The following CTSB variants were observed in gnomAD, a reference collection of about 807,000 sequenced individuals.
The protein encoded by CTSB is APP secretase.
In CTSB, 57 loss-of-function variants were observed where a neutral mutation model predicts 44.3. The observed-to-expected ratio is 1.29, with a 90% CI of 1.04 to 1.60. CTSB has a LOEUF of 1.60. Among genes scored for constraint, CTSB ranks in the 40% most tolerant of loss-of-function variants. The probability of loss-of-function intolerance (pLI) is 0.00; values close to 1 mark genes in which losing one functional copy is unlikely to be tolerated. For synonymous variants in CTSB, 320 were observed against 168.0 expected, an observed-to-expected ratio of 1.91 and a Z score of -7.00; for missense variants, 768 against 443.0, an observed-to-expected ratio of 1.73 and a Z score of -6.59.
chr8:11,865,149 G>A (rs537001095), intron 1 of CTSB, among the ~76,000 whole-genome samples: 35 of 152,234 alleles, frequency 2.3e-4, no homozygotes, highest in African/African-American at 8.4e-4. Context: ...TCAACTGCCT[G>A]TCACCCCAAC....
rs1457428658 is a variant in CTSB at position 11,850,884 on chromosome 8, G to T, written c.309C>A (p.Gly103=). The change falls in exon 4 of 10, where the codon GGC becomes GGA. Residue 103 remains glycine, a synonymous_variant. Transcript: ENST00000353047. ...GCCTTACCCAGCAGGAGCCACAGGA[G>T]CCCTGGTCTCTGATCTCTTTGATGG... ...CPTIKEIRDQ[G]SCGSCWAFGA... 6.2e-7 allele frequency: 1 copy of T among 1,613,030 alleles called. No individual in the cohort carries two copies. Among genetic ancestry groups the T allele is most frequent in the South Asian group, 1.1e-5 (1 of 90,898 alleles).
Position 11,845,011 on chromosome 8 carries a change from C to T in CTSB, c.*114G>A. ...TTGGAAGACAGGTCTGATGTTTGGC[C>T]AATCCAGTCCTTCAGACCCTGTCTG... On this transcript the variant is annotated 3_prime_UTR_variant, in exon 10 of 10. Coordinates refer to ENST00000353047, the MANE Select transcript of CTSB (RefSeq NM_001908.5). 1 of 721,422 alleles carries T rather than the reference C, an allele frequency of 1.4e-6. No homozygotes were observed. The highest frequency in any genetic ancestry group is 2.2e-5 in the Admixed American group (1 of 45,160). 44.7% of individuals were successfully genotyped at this position (721,422 alleles called of 1,614,324 possible).
chr8:11,862,678 C>G (rs746457296), intron 1 of CTSB, among the ~76,000 whole-genome samples: 3 of 152,232 alleles, frequency 2.0e-5, no homozygotes, highest in Non-Finnish European at 4.4e-5. Flanking sequence ...ATGGGAAAAG[C>G]CTGTGGCTGG....
chr8:11,845,348 C>G (rs1352382164), intron 9 of CTSB, 126 bp from the exon 10 acceptor site: 3 of 731,832 alleles, frequency 4.1e-6, no homozygotes, highest in Middle Eastern at 2.4e-4. Context: ...CTAGCACAGT[C>G]CTCAACACCA....
intron 8 of CTSB, chr8:11,846,184 G>C (rs999171322): frequency 1.2e-4 from 18 of 154,388 alleles, no homozygotes; most frequent in African/African-American, 4.3e-4. Context: ...AGCTGCTCCA[G>C]GTACACCCTG....
At chr8:11,848,899 G>A (rs890410767) in intron 5 of CTSB, 147 bp downstream of exon 5, 5 of 592,246 alleles carry the variant, frequency 8.4e-6, no homozygotes, top group Non-Finnish European at 1.2e-5. Context: ...AGCCTTGCCA[G>A]GCCCTGCCTG....
In CTSB at chr8:11,853,316, C is replaced by G. The variant is rs763401283; in HGVS notation, c.126+13G>C. ...GGGAGGGGACATACATAGGACGCAG[C>G]CCCACAGCCTACCTGCCACGTGGTA... On this transcript the variant is annotated intron_variant, in intron 2 of 9. Coordinates refer to ENST00000353047, the MANE Select transcript of CTSB (RefSeq NM_001908.5). 1.9e-6 allele frequency: 3 copies of G among 1,612,714 alleles called. No individual in the cohort carries two copies. Among genetic ancestry groups the G allele is most frequent in the Non-Finnish European group, 1.7e-6 (2 of 1,179,560 alleles).
chr8:11,849,593 T>TTC (rs1814169710), intron 4 of CTSB: 1 of 153,602 alleles, frequency 6.5e-6, no homozygotes, highest in Non-Finnish European at 1.4e-5. Flanking sequence ...TTTTTTTTTT[T>TTC]CCTGGAGGCG....
At chr8:11,865,104 G>A (rs1025855543) in intron 1 of CTSB, among the ~76,000 whole-genome samples, 1 of 152,100 alleles carries the variant, frequency 6.6e-6, no homozygotes, top group Middle Eastern at 3.2e-3. Flanking sequence ...TGATATCCCA[G>A]AGGCACAGCA....
At chr8:11,852,568 C>T (rs1424210654) in intron 3 of CTSB, 42 bp downstream of exon 3, 1 of 1,545,798 alleles carries the variant, frequency 6.5e-7, no homozygotes, top group Non-Finnish European at 8.9e-7. Context: ...AAACCAACGC[C>T]TGCCACTCAC....
chr8:11,855,967 G>A (rs1160446386), intron 1 of CTSB, among the ~76,000 whole-genome samples: 6 of 152,130 alleles, frequency 3.9e-5, no homozygotes, highest in African/African-American at 9.7e-5. Flanking sequence ...GGTGGAGATT[G>A]CAGTGAGCCA....
chr8:11,862,665 C>T (rs771329609), intron 1 of CTSB, among the ~76,000 whole-genome samples: 4 of 152,338 alleles, frequency 2.6e-5, no homozygotes, highest in African/African-American at 7.2e-5. Context: ...TTCCAACCCT[C>T]GAATGGGAAA....
At chr8:11,866,627 A>G (rs776270677) in intron 1 of CTSB, among the ~76,000 whole-genome samples, 15 of 152,358 alleles carry the variant, frequency 9.8e-5, no homozygotes, top group East Asian at 1.9e-4. Flanking sequence ...CGGGAGGCCG[A>G]GACAGGCGGA....
At chr8:11,855,609 C>G (rs1297904838) in intron 1 of CTSB, among the ~76,000 whole-genome samples, 3 of 152,202 alleles carry the variant, frequency 2.0e-5, no homozygotes, top group Non-Finnish European at 2.9e-5. Context: ...AAAACAAAAA[C>G]TGACGAAACA....
chr8:11,848,380 A>T lies in CTSB; in HGVS notation c.447-228T>A, dbSNP rs1302739724. 1.4e-5 allele frequency: 9 copies of T among 658,502 alleles called. No individual in the cohort carries two copies. In the Admixed American group the frequency reaches 1.9e-4, roughly 14 times the overall value. 40.8% of individuals were successfully genotyped at this position (658,502 alleles called of 1,614,324 possible). A position where few individuals can be genotyped will look rare whatever the true frequency, so the allele number is the denominator to read the frequency against. On this transcript the variant is annotated intron_variant, in intron 5 of 9. Transcript: ENST00000353047. ...ACCCCTGCCCACAAAGATCCGGGAG[A>T]AGACAGGAGGCTCTCCTGTTCATGT...
rs1000014976 is a variant in CTSB, at chr8:11,847,540, G to C, written c.676+139C>G. ...AGTGTGCTGCTTCTCCTGGCAAGAG[G>C]GCATCACTCCCCCTCCTCTATCCTA... On this transcript the variant is annotated intron_variant, in intron 7 of 9. Coordinates refer to ENST00000353047, the MANE Select transcript of CTSB (RefSeq NM_001908.5). 41 of 916,364 alleles carry C rather than the reference G, an allele frequency of 4.5e-5. No homozygotes were observed. In the African/African-American group the frequency reaches 4.5e-4, roughly 10 times the overall value. 56.8% of individuals were successfully genotyped at this position (916,364 alleles called of 1,614,324 possible). A position where few individuals can be genotyped will look rare whatever the true frequency, so the allele number is the denominator to read the frequency against.
intron 1 of CTSB, among the ~76,000 whole-genome samples, chr8:11,861,082 T>C (rs1411534134): frequency 6.6e-6 from 1 of 152,232 alleles, no homozygotes; most frequent in African/African-American, 2.4e-5. Context: ...CTAATGGAAC[T>C]GTGTTTAGTA....
Position 11,846,981 on chromosome 8 carries a change from A to G in CTSB, c.793+71T>C, listed in dbSNP as rs79292174. 2,820 of 831,660 alleles carry G rather than the reference A, an allele frequency of 3.4e-3. 40 individuals carry two copies. In the African/African-American group the frequency reaches 0.04, roughly 12 times the overall value. 51.5% of individuals were successfully genotyped at this position (831,660 alleles called of 1,614,324 possible). A position where few individuals can be genotyped will look rare whatever the true frequency, so the allele number is the denominator to read the frequency against. On this transcript the variant is annotated intron_variant, in intron 8 of 9. Transcript: ENST00000353047. ...GCCCAATCCAGCCCTATTGGTCAAC[A>G]TGAACCATCCTGGCACCCAGGCTCC... is the stretch of plus-strand genomic sequence containing the variant.
At position 11,843,896 on chromosome 8, in the gene CTSB, T is replaced by C. The variant is rs1203547003; in HGVS notation, c.*1229A>G. The C allele has an allele frequency of 6.6e-6, 1 of 152,058 alleles. No individual in the cohort carries two copies. The highest frequency in any genetic ancestry group is 2.4e-5 in the African/African-American group (1 of 41,408). 9.4% of individuals were successfully genotyped at this position (152,058 alleles called of 1,614,324 possible). On this transcript the variant is annotated 3_prime_UTR_variant, in exon 10 of 10. Coordinates refer to ENST00000353047, the MANE Select transcript of CTSB (RefSeq NM_001908.5). ...AAAATACAAAAATTACCCAGGCATA[T>C]TGGTGAGTGCCTGTCATCCCAGCTA...
Sources: gnomAD v4.1 joint callset for allele counts (sites outside exome capture counted in the v4.1 genomes callset) on GRCh38, gnomAD v4.1.1 for gene constraint, MANE v1.5 for transcripts, NCBI Gene and HGNC (gene_info 2026-07-23, HGNC 2026-07-21) for gene names.